Variants in XKR9 observed in about 807,000 individuals in gnomAD.
The protein encoded by XKR9 is XK related 9.
In XKR9, 32 loss-of-function variants were observed where a neutral mutation model predicts 32.0. The ratio of observed to expected loss-of-function variants is 1.00; its 90% CI spans 0.76 to 1.34. XKR9 has a LOEUF of 1.34. Among genes scored for constraint, XKR9 ranks in the 40% most tolerant of loss-of-function variants. The probability of loss-of-function intolerance (pLI) is 0.00; values close to 1 mark genes in which losing one functional copy is unlikely to be tolerated. For synonymous variants in XKR9, 168 were observed against 143.4 expected, an observed-to-expected ratio of 1.17 and a Z score of -1.22; for missense variants, 546 against 429.7, an observed-to-expected ratio of 1.27 and a Z score of -2.39.
intron 4 of XKR9, among the ~76,000 whole-genome samples, chr8:70,716,185 A>G (rs1563443696): frequency 6.6e-6 from 1 of 152,172 alleles, no homozygotes; most frequent in Admixed American, 6.5e-5. Flanking sequence ...GCTAAGAAAT[A>G]ATTAGAGGGT....
the XKR9 span, among the ~76,000 whole-genome samples, chr8:70,880,086 A>G: frequency 6.6e-6 from 1 of 152,202 alleles, no homozygotes; most frequent in Non-Finnish European, 1.5e-5. Context: ...TTTTCATGCT[A>G]AAAACTATCA....
the XKR9 span, among the ~76,000 whole-genome samples, chr8:71,043,850 A>C: frequency 1.3e-5 from 2 of 152,134 alleles, no homozygotes; most frequent in South Asian, 4.1e-4. Flanking sequence ...ATATATTGAT[A>C]TATAAAAAAC....
At chr8:70,760,751 G>A (rs1257214835) in intron 2 of XKR9, among the ~76,000 whole-genome samples, 3 of 152,176 alleles carry the variant, frequency 2.0e-5, no homozygotes, top group East Asian at 1.9e-4. Context: ...TGCAGGATGT[G>A]CAGGTTTGTT....
At chr8:71,006,215 G>A in the XKR9 span, among the ~76,000 whole-genome samples, 1 of 152,368 alleles carries the variant, frequency 6.6e-6, no homozygotes, top group East Asian at 1.9e-4. Flanking sequence ...AGGAATCCAA[G>A]TCCTTGTACA....
At chr8:70,765,944 C>T (rs957846563) in intron 2 of XKR9, among the ~76,000 whole-genome samples, 3 of 152,146 alleles carry the variant, frequency 2.0e-5, no homozygotes, top group African/African-American at 7.2e-5. Flanking sequence ...TCTGAGGCCT[C>T]TGTTCTCTTC....
At chr8:70,897,293 C>T in the XKR9 span, among the ~76,000 whole-genome samples, 11 of 152,158 alleles carry the variant, frequency 7.2e-5, no homozygotes, top group African/African-American at 2.7e-4. Context: ...TGTTGATGGA[C>T]ACTTAGGTTG....
the XKR9 span, among the ~76,000 whole-genome samples, chr8:70,883,359 T>A: frequency 6.6e-6 from 1 of 152,186 alleles, no homozygotes; most frequent in African/African-American, 2.4e-5. Flanking sequence ...TACCACATTT[T>A]TTTTTAATCT....
At chr8:70,767,496 C>CTTT (rs34400671) in intron 2 of XKR9, among the ~76,000 whole-genome samples, 20,216 of 98,994 alleles carry the variant, frequency 0.2, 2,599 homozygotes, top group Non-Finnish European at 0.27. Flanking sequence ...TCTTTTCCTT[C>CTTT]TTTTTTTTTT....
the XKR9 span, among the ~76,000 whole-genome samples, chr8:70,988,578 C>G: frequency 6.6e-6 from 1 of 152,006 alleles, no homozygotes; most frequent in Non-Finnish European, 1.5e-5. Context: ...ATTCTTGTTT[C>G]CTATTATTTA....
chr8:70,872,682 C>T, the XKR9 span, among the ~76,000 whole-genome samples: 1 of 151,940 alleles, frequency 6.6e-6, no homozygotes, highest in East Asian at 1.9e-4. Flanking sequence ...TTTTTTCAGA[C>T]CTAGTTTTGC....
downstream of XKR9, among the ~76,000 whole-genome samples, chr8:70,794,749 T>A (rs373776006): frequency 2.6e-5 from 4 of 151,910 alleles, no homozygotes; most frequent in African/African-American, 9.6e-5. Flanking sequence ...TTATTTTGTT[T>A]GTTTGATTGG....
the XKR9 span, among the ~76,000 whole-genome samples, chr8:71,005,014 TTTTTTTTTTTTG>T: frequency 8.1e-6 from 1 of 122,726 alleles, no homozygotes; most frequent in African/African-American, 3.0e-5. Context: ...TTTTTTTTTT[TTTTTTTTTTTTG>T]TAGAGTTGGA....
the XKR9 span, among the ~76,000 whole-genome samples, chr8:70,853,740 A>G: frequency 6.6e-6 from 1 of 151,668 alleles, no homozygotes; most frequent in African/African-American, 2.4e-5. Flanking sequence ...ATGTGTTCTC[A>G]TTGTTCAATT....
At chr8:70,891,476 G>T in the XKR9 span, among the ~76,000 whole-genome samples, 2 of 151,690 alleles carry the variant, frequency 1.3e-5, no homozygotes, top group Non-Finnish European at 3.0e-5. Flanking sequence ...CATAGGTTTT[G>T]GTGTGTTGTA....
chr8:70,811,834 G>A, the XKR9 span, among the ~76,000 whole-genome samples: 410 of 152,026 alleles, frequency 2.7e-3, no homozygotes, highest in Non-Finnish European at 3.7e-3. Flanking sequence ...AGGACCAGAT[G>A]GATTCACAGC....
the XKR9 span, among the ~76,000 whole-genome samples, chr8:70,819,998 G>T: frequency 6.6e-6 from 1 of 152,150 alleles, no homozygotes; most frequent in Non-Finnish European, 1.5e-5. Context: ...ACAAACTTAT[G>T]ATGGAAAGCA....
the XKR9 span, among the ~76,000 whole-genome samples, chr8:70,894,807 C>T: frequency 6.6e-6 from 1 of 152,046 alleles, no homozygotes; most frequent in African/African-American, 2.4e-5. Context: ...TTCTGCTTGC[C>T]TATGAGGAAG....
the XKR9 span, among the ~76,000 whole-genome samples, chr8:70,928,624 T>C: frequency 6.6e-6 from 1 of 152,068 alleles, no homozygotes; most frequent in Non-Finnish European, 1.5e-5. Flanking sequence ...AAAGCCTGGG[T>C]GCTCTTCCCT....
intron 4 of XKR9, among the ~76,000 whole-genome samples, chr8:70,712,002 C>T (rs1022784980): frequency 3.3e-5 from 5 of 152,110 alleles, no homozygotes; most frequent in African/African-American, 4.8e-5. Flanking sequence ...AAAAAAAAGT[C>T]AGGTTGTGTA....
Sources: allele counts gnomAD v4.1 joint callset (sites outside exome capture counted in the v4.1 genomes callset), GRCh38; gene constraint gnomAD v4.1.1; transcripts MANE v1.5; gene names NCBI Gene and HGNC (gene_info 2026-07-23, HGNC 2026-07-21).